Variants in PAX3 observed in about 807,000 individuals in gnomAD.
PAX3 encodes the protein paired box protein Pax-3.
PAX3 carries 14 observed loss-of-function variants against 51.6 expected under a neutral mutation model. The observed-to-expected ratio is 0.27, with a 90% CI of 0.18 to 0.42. The LOEUF (loss-of-function observed/expected upper bound fraction) is 0.42, where lower values mean the gene tolerates loss of function less well. Among genes scored for constraint, PAX3 ranks in the 10% least tolerant of loss-of-function variants. PAX3 has a pLI of 1.00. For synonymous variants in PAX3, 280 were observed against 253.4 expected (o/e 1.11, Z -1.00); for missense variants, 540 against 642.8 (o/e 0.84, Z 1.73).
At chr2:222,223,062 G>A (rs1692259189) in intron 5 of PAX3, among the ~76,000 whole-genome samples, 1 of 152,158 alleles carries the variant, frequency 6.6e-6, no homozygotes, top group Non-Finnish European at 1.5e-5. Flanking sequence ...TAACAATTTT[G>A]CAACTTAATT....
intron 1 of PAX3, among the ~76,000 whole-genome samples, chr2:222,297,652 C>A (rs1427439529): frequency 6.6e-6 from 1 of 152,208 alleles, no homozygotes; most frequent in African/African-American, 2.4e-5. Flanking sequence ...CTTGGGCCAG[C>A]TGATAGCCCT....
intron 7 of PAX3, among the ~76,000 whole-genome samples, chr2:222,210,045 G>A (rs1183401260): frequency 2.0e-5 from 3 of 151,960 alleles, no homozygotes; most frequent in African/African-American, 7.3e-5. Context: ...CTAACTCCAG[G>A]GACACTGAAC....
intron 5 of PAX3, among the ~76,000 whole-genome samples, chr2:222,231,547 C>A (rs909728385): frequency 1.3e-5 from 2 of 152,124 alleles, no homozygotes; most frequent in Non-Finnish European, 1.5e-5. Flanking sequence ...TGTTATGCAC[C>A]TTTGCACATT....
chr2:222,282,033 G>A (rs1257955704), intron 4 of PAX3, among the ~76,000 whole-genome samples: 3 of 152,172 alleles, frequency 2.0e-5, no homozygotes, highest in African/African-American at 4.8e-5. Flanking sequence ...GAAAGAAGAC[G>A]TGTTTTTGGT....
At chr2:222,224,713 C>G (rs1194937837) in intron 5 of PAX3, among the ~76,000 whole-genome samples, 2 of 152,154 alleles carry the variant, frequency 1.3e-5, no homozygotes, top group African/African-American at 4.8e-5. Flanking sequence ...ATAACTCTTT[C>G]AATATTGTAT....
chr2:222,224,768 ATG>A (rs1692322643), intron 5 of PAX3, among the ~76,000 whole-genome samples: 2 of 152,168 alleles, frequency 1.3e-5, no homozygotes, highest in Admixed American at 1.3e-4. Context: ...GCAGAATGGC[ATG>A]TGTGAGTGTA....
At chr2:222,261,000 C>G (rs545667169) in intron 4 of PAX3, among the ~76,000 whole-genome samples, 2 of 152,344 alleles carry the variant, frequency 1.3e-5, no homozygotes, top group South Asian at 2.1e-4. Context: ...CAGAAGCACT[C>G]AGCACCACAT....
chr2:222,262,873 G>C (rs1693916882), intron 4 of PAX3: 1 of 152,146 alleles, frequency 6.6e-6, no homozygotes, highest in Admixed American at 6.5e-5. Flanking sequence ...CAACTGAATG[G>C]AGAAAGGAAC....
At chr2:222,248,226 A>C (rs1693297659) in intron 4 of PAX3, among the ~76,000 whole-genome samples, 2 of 152,256 alleles carry the variant, frequency 1.3e-5, no homozygotes, top group Non-Finnish European at 2.9e-5. Flanking sequence ...GTACACAAAA[A>C]TCTGCTAAGA....
chr2:222,284,757 C>G (rs550498169), intron 4 of PAX3, among the ~76,000 whole-genome samples: 17 of 152,292 alleles, frequency 1.1e-4, no homozygotes, highest in African/African-American at 3.1e-4. Context: ...TTATTTCCCC[C>G]CCGACCAAGA....
chr2:222,286,834 A>G (rs1694849436), intron 4 of PAX3, among the ~76,000 whole-genome samples: 1 of 152,262 alleles, frequency 6.6e-6, no homozygotes, highest in African/African-American at 2.4e-5. Context: ...AAGAATTTAT[A>G]ACACCTATTA....
chr2:222,295,533 G>C lies in PAX3; in HGVS notation c.446C>G (p.Pro149Arg). The part of the protein sequence containing the change: ...KDAVCDRNTV[P>R]SVSSISRILR... ...GAGGTTAATGGGCCTAGTACCTGAC[G>C]GCACGGTGTTTCGATCACAGACCGC... The change falls in exon 3 of 9, where the codon CCG becomes CGG. Residue 149 changes from proline (P) to arginine (R), a missense_variant. Pro to Arg is a moderately radical substitution (Grantham distance 103). This residue lies in a region of PAX3 where 427 missense variants were observed against 483.6 expected (regional missense o/e 0.88). Transcript: ENST00000392070. The C allele has an allele frequency of 6.2e-7, 1 of 1,614,200 alleles. No individual in the cohort carries two copies. Among genetic ancestry groups the C allele is most frequent in the South Asian group, 1.1e-5 (1 of 91,080 alleles).
chr2:222,292,754 C>T (rs1437639667), intron 4 of PAX3, among the ~76,000 whole-genome samples: 2 of 152,160 alleles, frequency 1.3e-5, no homozygotes, highest in Non-Finnish European at 2.9e-5. Context: ...GAAAAATGCA[C>T]CTCTCCAAAA....
At chr2:222,273,308 A>G (rs1406126932) in intron 4 of PAX3, among the ~76,000 whole-genome samples, 1 of 152,082 alleles carries the variant, frequency 6.6e-6, no homozygotes, top group Admixed American at 6.5e-5. Flanking sequence ...AAATATAACC[A>G]CATGATTTTC....
At chr2:222,289,629 A>G (rs1694957722) in intron 4 of PAX3, among the ~76,000 whole-genome samples, 2 of 152,178 alleles carry the variant, frequency 1.3e-5, no homozygotes, top group African/African-American at 4.8e-5. Flanking sequence ...CATTAATTAG[A>G]AAATCTGCAT....
chr2:222,295,696 C>A, intron 2 of PAX3, 39 bp from the exon 3 acceptor site: 1 of 1,613,194 alleles, frequency 6.2e-7, no homozygotes, highest in Non-Finnish European at 8.5e-7. Flanking sequence ...GTACCCGGTA[C>A]CCTGGGCCAG....
chr2:222,232,392 A>G, intron 4 of PAX3, 109 bp from the exon 5 acceptor site: 1 of 880,294 alleles, frequency 1.1e-6, no homozygotes, highest in African/African-American at 1.7e-5. Context: ...AGTGATCCCT[A>G]TACCTAAAGT....
chr2:222,202,075 C>G lies in PAX3; in HGVS notation c.1289G>C (p.Ser430Thr). Residue 430 changes from serine (S) to threonine (T), a missense_variant, in exon 8 of 9, where the codon AGT becomes ACT. By Grantham distance (58) the Ser-to-Thr change is moderately conservative. Coordinates refer to ENST00000392070, the MANE Select transcript of PAX3 (RefSeq NM_181458.4). ...EPTTTVSASC[S>T]QRLDHMKSLD... ...GCTCTTCATATGGTCTAGTCTCTGACTGCAGCTGGCCGACACCGTGGTGGT... is the reference window on the plus strand; with the variant it reads ...GCTCTTCATATGGTCTAGTCTCTGAGTGCAGCTGGCCGACACCGTGGTGGT... The G allele has an allele frequency of 6.2e-7, 1 of 1,614,018 alleles. No individual in the cohort carries two copies. The highest frequency in any genetic ancestry group is 8.5e-7 in the Non-Finnish European group (1 of 1,180,004).
At chr2:222,229,159 GATTTA>G in intron 5 of PAX3, among the ~76,000 whole-genome samples, 1 of 151,188 alleles carries the variant, frequency 6.6e-6, no homozygotes, top group South Asian at 2.1e-4. Context: ...ACTATTATAT[GATTTA>G]ATTTGTCTGC....
Sources: gnomAD v4.1 joint callset for allele counts (sites outside exome capture counted in the v4.1 genomes callset) on GRCh38, gnomAD v4.1.1 for gene constraint, gnomAD v4.1.1 regional missense constraint, MANE v1.5 for transcripts, NCBI Gene and HGNC (gene_info 2026-07-23, HGNC 2026-07-21) for gene names.